Variants in MAP2 observed in about 807,000 individuals in gnomAD.
The protein encoded by MAP2 is microtubule associated protein 2, also known as microtubule-associated protein 2.
In MAP2, 14 loss-of-function variants were observed where a neutral mutation model predicts 137.6. The ratio of observed to expected loss-of-function variants is 0.10; its 90% CI spans 0.07 to 0.16. The LOEUF (loss-of-function observed/expected upper bound fraction) is 0.16. Among genes scored for constraint, MAP2 ranks in the 10% least tolerant of loss-of-function variants. The pLI is 1.00. For missense variants in MAP2, 2,088 were observed against 2,191.5 expected, an observed-to-expected ratio of 0.95 and a Z score of 0.94; for synonymous variants, 786 against 782.3, an observed-to-expected ratio of 1.00 and a Z score of -0.08.
intron 1 of MAP2, among the ~76,000 whole-genome samples, chr2:209,504,375 T>C (rs535546873): frequency 6.6e-6 from 1 of 152,302 alleles, no homozygotes; most frequent in Admixed American, 6.5e-5. Flanking sequence ...ATTAAAGATA[T>C]CAGGATGCTG....
chr2:209,692,479 G>T, intron 7 of MAP2, 146 bp from the exon 8 acceptor site: 1 of 787,266 alleles, frequency 1.3e-6, no homozygotes, highest in African/African-American at 1.8e-5. Flanking sequence ...TTTTCATATT[G>T]ACTTTTACAT....
chr2:209,661,261 A>G (rs1318527242), intron 5 of MAP2, among the ~76,000 whole-genome samples: 2 of 152,190 alleles, frequency 1.3e-5, no homozygotes, highest in African/African-American at 2.4e-5. Flanking sequence ...CATTTAAAAT[A>G]TGGCCTATTC....
intron 1 of MAP2, among the ~76,000 whole-genome samples, chr2:209,444,735 G>A (rs78443582): frequency 7.9e-5 from 12 of 151,438 alleles, no homozygotes; most frequent in Non-Finnish European, 1.5e-4. Flanking sequence ...CTGAGTCATC[G>A]TTGAAACTTA....
At chr2:209,439,553 A>G (rs1697236863) in intron 1 of MAP2, among the ~76,000 whole-genome samples, 1 of 151,450 alleles carries the variant, frequency 6.6e-6, no homozygotes, top group South Asian at 2.1e-4. Context: ...CACATCTAGG[A>G]ATCTGGAAGT....
intron 2 of MAP2, among the ~76,000 whole-genome samples, chr2:209,536,222 T>C (rs893336399): frequency 6.6e-6 from 1 of 152,216 alleles, no homozygotes; most frequent in Non-Finnish European, 1.5e-5. Flanking sequence ...ATATTTCAGT[T>C]ATTTATGACA....
chr2:209,652,631 A>G (rs2094885514), intron 4 of MAP2, among the ~76,000 whole-genome samples: 2 of 152,196 alleles, frequency 1.3e-5, no homozygotes, highest in South Asian at 4.1e-4. Context: ...AGATCTCACT[A>G]AAAGTCATGA....
chr2:209,630,802 A>C lies in MAP2; in HGVS notation c.-30+5673A>C, dbSNP rs144866241. Among the ~76,000 whole-genome samples, 557 of 151,906 alleles carry C rather than the reference A, an allele frequency of 3.7e-3. 3 individuals carry two copies. Among genetic ancestry groups the C allele is most frequent in the African/African-American group, 0.013 (527 of 41,462 alleles). ...ATACTTTAGGGAGTGTTCACTACAT[A>C]CTATTTTTTCCTTCTTCTTCACATA... is the stretch of plus-strand genomic sequence containing the variant. On this transcript the variant is annotated intron_variant, in intron 4 of 15. Transcript: ENST00000682079.
chr2:209,697,972 C>T (rs532106239), intron 10 of MAP2, among the ~76,000 whole-genome samples: 14 of 152,004 alleles, frequency 9.2e-5, no homozygotes, highest in Admixed American at 1.3e-4. Context: ...CCTCAGCCTC[C>T]GGAGTAGCTG....
intron 13 of MAP2, among the ~76,000 whole-genome samples, chr2:209,718,221 A>C (rs1293973629): frequency 2.0e-5 from 3 of 152,160 alleles, no homozygotes; most frequent in Non-Finnish European, 4.4e-5. Context: ...TTGGGTTTGC[A>C]AAGTTGAGGC....
intron 1 of MAP2, among the ~76,000 whole-genome samples, chr2:209,487,783 CA>C (rs1383941860): frequency 6.6e-6 from 1 of 152,152 alleles, no homozygotes; most frequent in East Asian, 1.9e-4. Context: ...TTTTAACCTT[CA>C]AATAACTCAT....
intron 1 of MAP2, among the ~76,000 whole-genome samples, chr2:209,483,742 C>G (rs2058015329): frequency 6.6e-6 from 1 of 152,028 alleles, no homozygotes; most frequent in African/African-American, 2.4e-5. Flanking sequence ...TGTGACAATG[C>G]CAGAGTTTGT....
At chr2:209,511,081 A>C (rs1157016119) in intron 2 of MAP2, among the ~76,000 whole-genome samples, 1 of 152,104 alleles carries the variant, frequency 6.6e-6, no homozygotes, top group Non-Finnish European at 1.5e-5. Flanking sequence ...TACTCTACAA[A>C]TCTAAAAGTG....
At chr2:209,473,614 A>G (rs1706378746) in intron 1 of MAP2, among the ~76,000 whole-genome samples, 1 of 152,082 alleles carries the variant, frequency 6.6e-6, no homozygotes, top group Non-Finnish European at 1.5e-5. Context: ...ATAGAAACAG[A>G]TAAAGATAAA....
At chr2:209,619,216 T>C (rs759192168) in intron 3 of MAP2, among the ~76,000 whole-genome samples, 1 of 152,084 alleles carries the variant, frequency 6.6e-6, no homozygotes, top group African/African-American at 2.4e-5. Context: ...TTATACAATA[T>C]GGTGACTGTA....
In MAP2 at chr2:209,656,366, G is replaced by A. The variant is rs190575205; in HGVS notation, c.262+2934G>A. On this transcript the variant is annotated intron_variant, in intron 5 of 15. Transcript: ENST00000682079. ...CCTCATCTCCAAAAAAAAATTAGCC[G>A]GGTATGATGTCACACACCTGTGGTC... Among the ~76,000 whole-genome samples the A allele has an allele frequency of 7.9e-5, 12 of 152,072 alleles. No homozygotes were observed. The East Asian group carries it at 1.7e-3, about 22-fold the overall frequency.
At chr2:209,614,633 A>G in intron 3 of MAP2, among the ~76,000 whole-genome samples, 1 of 152,194 alleles carries the variant, frequency 6.6e-6, no homozygotes. Context: ...ATTCTCACTC[A>G]ATTAAGAGAA....
At chr2:209,582,070 T>TC (rs988483770) in intron 3 of MAP2, among the ~76,000 whole-genome samples, 2 of 152,156 alleles carry the variant, frequency 1.3e-5, no homozygotes, top group Admixed American at 6.5e-5. Context: ...CTCATTTTTT[T>TC]CACTTACATT....
At chr2:209,719,840 A>T (rs959809973) in intron 13 of MAP2, among the ~76,000 whole-genome samples, 1 of 152,240 alleles carries the variant, frequency 6.6e-6, no homozygotes, top group Non-Finnish European at 1.5e-5. Context: ...TTCATGCTAT[A>T]TGACCCTTAT....
intron 2 of MAP2, among the ~76,000 whole-genome samples, chr2:209,556,951 T>C (rs569196879): frequency 6.6e-6 from 1 of 152,174 alleles, no homozygotes; most frequent in Admixed American, 6.5e-5. Context: ...TTAAGTGCTA[T>C]ATATTAAATA....
Sources: gnomAD v4.1 joint callset for allele counts (sites outside exome capture counted in the v4.1 genomes callset) on GRCh38, gnomAD v4.1.1 for gene constraint, MANE v1.5 for transcripts, NCBI Gene and HGNC (gene_info 2026-07-23, HGNC 2026-07-21) for gene names.